CDH12: variants seen among roughly 807,000 people sequenced by gnomAD.
The protein encoded by CDH12 is cadherin 12.
Under a neutral mutation model 74.1 loss-of-function variants are expected in CDH12, and 41 were observed. The ratio of observed to expected loss-of-function variants is 0.55; its 90% CI spans 0.43 to 0.72. The LOEUF (loss-of-function observed/expected upper bound fraction) is 0.72, where lower values mean the gene tolerates loss of function less well. CDH12 is among the 30% of genes least tolerant of loss of function. The pLI is 0.00. For missense variants in CDH12, 945 were observed against 977.2 expected (o/e 0.97, Z 0.44); for synonymous variants, 399 against 355.0 (o/e 1.12, Z -1.39).
chr5:22,545,292 G>T (rs2126725170), intron 1 of CDH12, among the ~76,000 whole-genome samples: 1 of 152,276 alleles, frequency 6.6e-6, no homozygotes, highest in African/African-American at 2.4e-5. Context: ...TGAATATATA[G>T]ACAGGAAGGC....
chr5:21,988,492 A>C (rs1757611654), intron 5 of CDH12, among the ~76,000 whole-genome samples: 1 of 72,690 alleles, frequency 1.4e-5, no homozygotes, highest in Non-Finnish European at 2.4e-5. Flanking sequence ...ACTCCGTCTC[A>C]AAAAAAAAAA....
chr5:22,645,543 A>G (rs1367586593), intron 1 of CDH12, among the ~76,000 whole-genome samples: 1 of 152,054 alleles, frequency 6.6e-6, no homozygotes, highest in East Asian at 1.9e-4. Context: ...TGAAATCACA[A>G]TACAGGAGTT....
At chr5:22,832,513 A>T (rs1736662698) in intron 1 of CDH12, among the ~76,000 whole-genome samples, 1 of 152,158 alleles carries the variant, frequency 6.6e-6, no homozygotes, top group Admixed American at 6.5e-5. Flanking sequence ...GTATGGGGTG[A>T]GATACGCAGA....
intron 4 of CDH12, among the ~76,000 whole-genome samples, chr5:22,105,560 T>C (rs1744387129): frequency 6.6e-6 from 1 of 151,550 alleles, no homozygotes; most frequent in African/African-American, 2.4e-5. Context: ...TAGCCAGGTG[T>C]GGTGTTCTGC....
chr5:22,007,288 T>G (rs1020410881), intron 5 of CDH12, among the ~76,000 whole-genome samples: 2 of 152,294 alleles, frequency 1.3e-5, no homozygotes, highest in South Asian at 2.1e-4. Context: ...TAGCAATGTA[T>G]TGTATAGAGT....
At chr5:22,688,147 C>T (rs1325634365) in intron 1 of CDH12, among the ~76,000 whole-genome samples, 3 of 151,848 alleles carry the variant, frequency 2.0e-5, no homozygotes, top group East Asian at 1.9e-4. Context: ...TAACAACTGG[C>T]GTCCAGGAGA....
intron 6 of CDH12, among the ~76,000 whole-genome samples, chr5:21,893,299 T>C (rs1425312020): frequency 6.6e-6 from 1 of 152,068 alleles, no homozygotes; most frequent in Non-Finnish European, 1.5e-5. Context: ...ATTATACTAA[T>C]AGAACCTCAG....
chr5:21,948,743 C>T (rs1224252788), intron 6 of CDH12, among the ~76,000 whole-genome samples: 3 of 152,128 alleles, frequency 2.0e-5, no homozygotes, highest in Non-Finnish European at 4.4e-5. Flanking sequence ...TCTATATCCC[C>T]ACCCAAATCT....
chr5:21,757,958 A>G (rs1387637513), intron 13 of CDH12, among the ~76,000 whole-genome samples: 1 of 152,304 alleles, frequency 6.6e-6, no homozygotes, highest in East Asian at 1.9e-4. Flanking sequence ...ATTTACTGCA[A>G]TGACATCTGA....
intron 3 of CDH12, among the ~76,000 whole-genome samples, chr5:22,291,340 G>A (rs765098325): frequency 2.4e-4 from 36 of 152,094 alleles, no homozygotes; most frequent in Non-Finnish European, 4.4e-4. Context: ...ATTCATTATA[G>A]TACACTGGAG....
At chr5:22,504,132 G>A (rs1736287458) in intron 2 of CDH12, among the ~76,000 whole-genome samples, 1 of 151,780 alleles carries the variant, frequency 6.6e-6, no homozygotes, top group African/African-American at 2.4e-5. Context: ...TAGAAATTTT[G>A]AATATTGATG....
intron 1 of CDH12, among the ~76,000 whole-genome samples, chr5:22,633,397 T>C (rs1738680432): frequency 2.0e-5 from 3 of 152,194 alleles, no homozygotes; most frequent in Admixed American, 6.5e-5. Context: ...TATAATGCAA[T>C]GGTTATAAAC....
rs558995767 is a variant in CDH12, at chr5:22,170,147, T to C, written c.-187+42351A>G. Among the ~76,000 whole-genome samples the C allele has an allele frequency of 2.4e-4, 36 of 151,992 alleles. No individual in the cohort carries two copies. In the South Asian group the frequency reaches 5.2e-3, roughly 22 times the overall value. Reference sequence around the variant, plus strand: ...GCAGAAAGCTGAATGTCCCTCAGAATAGTAGAAACAATTACTGGGGCTGTG... The same window carrying C: ...GCAGAAAGCTGAATGTCCCTCAGAACAGTAGAAACAATTACTGGGGCTGTG... On this transcript the variant is annotated intron_variant, in intron 4 of 14. Coordinates refer to ENST00000382254, the MANE Select transcript of CDH12 (RefSeq NM_004061.5).
intron 1 of CDH12, among the ~76,000 whole-genome samples, chr5:22,678,158 G>A (rs1345669920): frequency 2.0e-5 from 3 of 151,750 alleles, no homozygotes; most frequent in Admixed American, 1.3e-4. Context: ...AATCTTGAAC[G>A]AATCTACAAA....
chr5:22,453,282 T>A (rs2126567131), intron 2 of CDH12, among the ~76,000 whole-genome samples: 1 of 152,216 alleles, frequency 6.6e-6, no homozygotes, highest in East Asian at 1.9e-4. Context: ...ATGTTTGTAG[T>A]CCTGTATTTA....
intron 6 of CDH12, among the ~76,000 whole-genome samples, chr5:21,856,542 A>C (rs1218948075): frequency 6.6e-6 from 1 of 151,864 alleles, no homozygotes; most frequent in Non-Finnish European, 1.5e-5. Context: ...AAAATTTGCC[A>C]AACTAATACC....
At chr5:22,672,304 T>C (rs900280933) in intron 1 of CDH12, among the ~76,000 whole-genome samples, 1 of 151,262 alleles carries the variant, frequency 6.6e-6, no homozygotes. Context: ...TAACCAAGAG[T>C]ATAAATGTAG....
intron 2 of CDH12, among the ~76,000 whole-genome samples, chr5:22,446,375 T>C (rs559336198): frequency 1.3e-3 from 198 of 152,244 alleles, no homozygotes; most frequent in African/African-American, 4.5e-3. Flanking sequence ...CCAATACACA[T>C]GCTAGTCTTT....
chr5:22,441,725 A>G (rs1299553303), intron 2 of CDH12, among the ~76,000 whole-genome samples: 1 of 152,102 alleles, frequency 6.6e-6, no homozygotes, highest in Non-Finnish European at 1.5e-5. Flanking sequence ...TATTTTTTTC[A>G]AGACAGTCTT....
Sources: gnomAD v4.1 joint callset for allele counts (sites outside exome capture counted in the v4.1 genomes callset) on GRCh38, gnomAD v4.1.1 for gene constraint, MANE v1.5 for transcripts, NCBI Gene and HGNC (gene_info 2026-07-23, HGNC 2026-07-21) for gene names.